The following GPATCH2 variants were observed in gnomAD, a reference collection of about 807,000 sequenced individuals.
The protein encoded by GPATCH2 is G-patch domain containing 2.
GPATCH2 carries 51 observed loss-of-function variants against 58.0 expected under a neutral mutation model. The ratio of observed to expected loss-of-function variants is 0.88; its 90% CI spans 0.70 to 1.11. The LOEUF (loss-of-function observed/expected upper bound fraction) is 1.11. GPATCH2 is among the 50% of genes most tolerant of loss of function. The pLI is 0.00. For missense variants in GPATCH2, 625 were observed against 652.2 expected (o/e 0.96, Z 0.45); for synonymous variants, 222 against 218.5 (o/e 1.02, Z -0.14).
chr1:217,601,401 T>C (rs1668100516), intron 5 of GPATCH2, among the ~76,000 whole-genome samples: 1 of 151,180 alleles, frequency 6.6e-6, no homozygotes, highest in Admixed American at 6.6e-5. Flanking sequence ...ATTATTACTG[T>C]CTCAATTAAA....
chr1:217,619,698 T>A, intron 2 of GPATCH2, 85 bp downstream of exon 2: 1 of 488,438 alleles, frequency 2.0e-6, no homozygotes, highest in Non-Finnish European at 3.5e-6. Flanking sequence ...ATAATTATTT[T>A]AAAATAGAAT....
In GPATCH2 at chr1:217,459,749, C is replaced by T. The variant is rs549629325; in HGVS notation, c.1278-10412G>A. 1.3e-4 allele frequency among the ~76,000 whole-genome samples: 20 copies of T among 152,080 alleles called. No individual in the cohort carries two copies. The East Asian group carries it at 2.1e-3, about 16-fold the overall frequency. On this transcript the variant is annotated intron_variant, in intron 8 of 9. Coordinates refer to ENST00000366935, the MANE Select transcript of GPATCH2 (RefSeq NM_018040.5). The stretch of plus-strand genomic sequence containing the variant: ...TCTATAATAAAATTATGAGATATTC[C>T]TAATATTCCTAACTTTTTTGAGGGA...
At chr1:217,586,996 G>A (rs1011798964) in intron 5 of GPATCH2, among the ~76,000 whole-genome samples, 5 of 152,190 alleles carry the variant, frequency 3.3e-5, no homozygotes, top group African/African-American at 9.7e-5. Flanking sequence ...TCTGGGAGAA[G>A]AGGTGATATA....
intron 6 of GPATCH2, among the ~76,000 whole-genome samples, chr1:217,510,593 C>T (rs894879866): frequency 2.0e-5 from 3 of 149,426 alleles, no homozygotes; most frequent in South Asian, 2.1e-4. Flanking sequence ...TTGATGAGTA[C>T]GTCTTTTAGT....
intron 9 of GPATCH2, among the ~76,000 whole-genome samples, chr1:217,437,522 C>A (rs751991482): frequency 1.3e-5 from 2 of 152,280 alleles, no homozygotes; most frequent in East Asian, 3.9e-4. Context: ...CTGAAGCCGA[C>A]CTGGGATGCT....
At chr1:217,493,824 AAATT>A (rs939436247) in intron 7 of GPATCH2, among the ~76,000 whole-genome samples, 1 of 152,198 alleles carries the variant, frequency 6.6e-6, no homozygotes, top group African/African-American at 2.4e-5. Context: ...CCTCTACATT[AAATT>A]AATAATAATA....
At chr1:217,483,085 ACT>A (rs1661289845) in intron 8 of GPATCH2, among the ~76,000 whole-genome samples, 1 of 151,960 alleles carries the variant, frequency 6.6e-6, no homozygotes, top group Non-Finnish European at 1.5e-5. Flanking sequence ...TTATCCATAT[ACT>A]CTCTGTCGAA....
At chr1:217,621,684 C>G (rs936273850) in intron 1 of GPATCH2, among the ~76,000 whole-genome samples, 1 of 152,154 alleles carries the variant, frequency 6.6e-6, no homozygotes, top group Non-Finnish European at 1.5e-5. Context: ...TCTATATAGT[C>G]TCTACAATCA....
chr1:217,504,543 C>G lies in GPATCH2; in HGVS notation c.1167-6148G>C, dbSNP rs192027677. Among the ~76,000 whole-genome samples, 6 of 152,270 alleles carry G rather than the reference C, an allele frequency of 3.9e-5. No individual in the cohort carries two copies. The East Asian group carries it at 1.2e-3, about 29-fold the overall frequency. On this transcript the variant is annotated intron_variant, in intron 6 of 9. Transcript: ENST00000366935. ...CAAAGTTGCAGTAAAAGCACTATCA[C>G]CACTCTATAAGTGTTAGTTGTGTGC...
intron 5 of GPATCH2, among the ~76,000 whole-genome samples, chr1:217,530,582 A>G (rs928278744): frequency 1.3e-5 from 2 of 152,178 alleles, no homozygotes; most frequent in African/African-American, 4.8e-5. Flanking sequence ...AAATCATGCC[A>G]TCAAAGATGT....
chr1:217,524,264 G>A (rs1438656747), intron 5 of GPATCH2, among the ~76,000 whole-genome samples: 1 of 150,756 alleles, frequency 6.6e-6, no homozygotes, highest in Non-Finnish European at 1.5e-5. Flanking sequence ...CTCAGACGGG[G>A]CGGCCGGGCA....
chr1:217,534,160 G>A (rs1473224341), intron 5 of GPATCH2, among the ~76,000 whole-genome samples: 1 of 152,068 alleles, frequency 6.6e-6, no homozygotes, highest in Non-Finnish European at 1.5e-5. Flanking sequence ...AGGTTGCAGT[G>A]AGCCAAGATC....
rs777348463 is a variant in GPATCH2, at chr1:217,431,210, GTCCTAATC to G, written c.1514_1521del (p.Gly505AlafsTer41). The stretch of plus-strand genomic sequence containing the variant: ...GTACTTTTTGGTAGAGGAAATCCAA[GTCCTAATC>G]CCTTTGGCCTCTGCATGGCTTGAAT... On this transcript the variant is annotated frameshift_variant, in exon 10 of 10. Transcript: ENST00000366935. LOFTEE classifies it high-confidence loss of function. 2 of 1,611,078 alleles carry G rather than the reference GTCCTAATC, an allele frequency of 1.2e-6. No individual in the cohort carries two copies. The highest frequency in any genetic ancestry group is 1.7e-6 in the Non-Finnish European group (2 of 1,177,242).
chr1:217,463,323 G>A (rs566490475), intron 8 of GPATCH2, among the ~76,000 whole-genome samples: 14 of 152,028 alleles, frequency 9.2e-5, no homozygotes, highest in East Asian at 3.9e-4. Flanking sequence ...TTTTTCATGC[G>A]TCTTAAAATC....
intron 5 of GPATCH2, among the ~76,000 whole-genome samples, chr1:217,549,776 A>C (rs1476509788): frequency 6.6e-6 from 1 of 152,220 alleles, no homozygotes; most frequent in Non-Finnish European, 1.5e-5. Flanking sequence ...CTAATCAGCA[A>C]ATCAATCCAT....
At chr1:217,565,651 T>C (rs1233065446) in intron 5 of GPATCH2, among the ~76,000 whole-genome samples, 1 of 152,228 alleles carries the variant, frequency 6.6e-6, no homozygotes, top group Non-Finnish European at 1.5e-5. Context: ...TTTTCTTTTT[T>C]GTAACTATTA....
chr1:217,584,040 C>G (rs919155859), intron 5 of GPATCH2, among the ~76,000 whole-genome samples: 1 of 151,604 alleles, frequency 6.6e-6, no homozygotes, highest in Non-Finnish European at 1.5e-5. Flanking sequence ...AATGATCCTG[C>G]AAAGAAAGAC....
At chr1:217,520,613 G>C (rs949804886) in intron 5 of GPATCH2, among the ~76,000 whole-genome samples, 2 of 152,008 alleles carry the variant, frequency 1.3e-5, no homozygotes, top group Non-Finnish European at 2.9e-5. Context: ...GGGTGAAACT[G>C]ATTATTTTTA....
At chr1:217,524,695 C>T (rs1663731290) in intron 5 of GPATCH2, among the ~76,000 whole-genome samples, 1 of 151,202 alleles carries the variant, frequency 6.6e-6, no homozygotes, top group Admixed American at 6.6e-5. Context: ...CCCGTCTCCA[C>T]CCAAAAAATA....
Sources: gnomAD v4.1 joint callset for allele counts (sites outside exome capture counted in the v4.1 genomes callset) on GRCh38, gnomAD v4.1.1 for gene constraint, MANE v1.5 for transcripts, NCBI Gene and HGNC (gene_info 2026-07-23, HGNC 2026-07-21) for gene names.